Variants in PTPRD observed in about 807,000 individuals in gnomAD.
PTPRD encodes protein tyrosine phosphatase receptor type D, also known as receptor-type tyrosine-protein phosphatase delta.
A neutral mutation model predicts 214.5 loss-of-function variants in PTPRD; 34 were observed. That is an observed-to-expected ratio of 0.16 (90% CI 0.12 to 0.21). The LOEUF is 0.21. Among genes scored for constraint, PTPRD ranks in the 10% least tolerant of loss-of-function variants. PTPRD has a pLI of 1.00. For synonymous variants in PTPRD, 1,128 were observed against 845.7 expected (o/e 1.33, Z -5.79); for missense variants, 2,545 against 2,398.7 (o/e 1.06, Z -1.27).
chr9:9,438,481 C>T (rs1448755182), intron 8 of PTPRD, among the ~76,000 whole-genome samples: 4 of 152,164 alleles, frequency 2.6e-5, no homozygotes, highest in Non-Finnish European at 5.9e-5. Context: ...ATAGACTCCA[C>T]TTTACTGCTA....
intron 39 of PTPRD, among the ~76,000 whole-genome samples, chr9:8,372,304 C>T (rs995217857): frequency 1.3e-5 from 2 of 151,978 alleles, no homozygotes; most frequent in African/African-American, 4.8e-5. Flanking sequence ...AATATACACA[C>T]AGCTTTTAAA....
At chr9:9,095,264 C>T (rs2099781858) in intron 10 of PTPRD, among the ~76,000 whole-genome samples, 1 of 151,942 alleles carries the variant, frequency 6.6e-6, no homozygotes, top group Non-Finnish European at 1.5e-5. Flanking sequence ...ATAACAACAG[C>T]ACAACAACTA....
At chr9:9,297,325 G>C (rs186255899) in intron 9 of PTPRD, among the ~76,000 whole-genome samples, 1 of 151,508 alleles carries the variant, frequency 6.6e-6, no homozygotes, top group Non-Finnish European at 1.5e-5. Context: ...CAGAGATATG[G>C]TTTTGGGTCT....
At chr9:10,520,876 T>C (rs1803158167) in intron 2 of PTPRD, among the ~76,000 whole-genome samples, 1 of 151,646 alleles carries the variant, frequency 6.6e-6, no homozygotes, top group Non-Finnish European at 1.5e-5. Flanking sequence ...GAGACCACCC[T>C]GCTCAGAGAA....
At chr9:8,433,898 A>C (rs933198311) in intron 35 of PTPRD, among the ~76,000 whole-genome samples, 2 of 152,172 alleles carry the variant, frequency 1.3e-5, no homozygotes, top group African/African-American at 4.8e-5. Context: ...ACATTCACTC[A>C]CTACTCTCAC....
intron 11 of PTPRD, among the ~76,000 whole-genome samples, chr9:8,750,751 A>T (rs1301380107): frequency 6.6e-6 from 1 of 152,188 alleles, no homozygotes; most frequent in Non-Finnish European, 1.5e-5. Context: ...GATACCAGGC[A>T]GACTGGGAAA....
intron 14 of PTPRD, among the ~76,000 whole-genome samples, chr9:8,595,306 A>C (rs994669769): frequency 6.6e-6 from 1 of 152,152 alleles, no homozygotes; most frequent in Non-Finnish European, 1.5e-5. Flanking sequence ...GTTTTTTAAA[A>C]AACAAGAAGG....
intron 8 of PTPRD, among the ~76,000 whole-genome samples, chr9:9,467,170 G>A (rs922880912): frequency 7.5e-6 from 1 of 134,084 alleles, no homozygotes; most frequent in Non-Finnish European, 1.6e-5. Flanking sequence ...CCTAGATTTT[G>A]TATAGGAATA....
intron 8 of PTPRD, among the ~76,000 whole-genome samples, chr9:9,498,772 G>C (rs2096290313): frequency 6.6e-6 from 1 of 152,016 alleles, no homozygotes; most frequent in Non-Finnish European, 1.5e-5. Context: ...CTAAAATCTA[G>C]TGAATAATTG....
chr9:8,661,754 C>T (rs1482312432), intron 12 of PTPRD, among the ~76,000 whole-genome samples: 2 of 151,332 alleles, frequency 1.3e-5, no homozygotes, highest in Non-Finnish European at 2.9e-5. Context: ...TTTATTTCTC[C>T]AACCATTGAC....
At position 9,209,863 on chromosome 9, in the gene PTPRD, C is replaced by A. The variant is rs147279096; in HGVS notation, c.-202-26500G>T. Among the ~76,000 whole-genome samples, 1,119 of 152,164 alleles carry A rather than the reference C, an allele frequency of 7.4e-3. 10 individuals are homozygous for A. Among genetic ancestry groups the A allele is most frequent in the African/African-American group, 0.026 (1,087 of 41,528 alleles). On this transcript the variant is annotated intron_variant, in intron 9 of 45. Transcript: ENST00000381196. ...GATGCTGACAGAAGATATGAAACTC[C>A]TGGGTCAGATACAAAGGACTTTATT...
rs1015526337 is a variant in PTPRD at position 9,395,212 on chromosome 9, T to A, written c.-203+2237A>T. Among the ~76,000 whole-genome samples, 7 of 151,294 alleles carry A rather than the reference T, an allele frequency of 4.6e-5. No individual in the cohort carries two copies. In the East Asian group the frequency reaches 1.2e-3, roughly 25 times the overall value. The stretch of plus-strand genomic sequence containing the variant: ...CAAAAAAAAAAAAAAGTATGGGGTC[T>A]AATAGGTCCTTGCTACTCAAAGTGT... On this transcript the variant is annotated intron_variant, in intron 9 of 45. Coordinates refer to ENST00000381196, the MANE Select transcript of PTPRD (RefSeq NM_002839.4).
chr9:10,135,256 G>A (rs2098933578), intron 3 of PTPRD, among the ~76,000 whole-genome samples: 1 of 152,028 alleles, frequency 6.6e-6, no homozygotes, highest in Non-Finnish European at 1.5e-5. Context: ...AGACAAACTG[G>A]CATTCTTGAG....
At chr9:8,423,933 C>T (rs139956893) in intron 35 of PTPRD, among the ~76,000 whole-genome samples, 3 of 152,028 alleles carry the variant, frequency 2.0e-5, no homozygotes, top group Admixed American at 1.3e-4. Flanking sequence ...CCCAACTAAT[C>T]AAATATATTT....
intron 14 of PTPRD, among the ~76,000 whole-genome samples, chr9:8,608,122 T>A (rs1464604714): frequency 8.5e-6 from 1 of 117,386 alleles, no homozygotes; most frequent in Non-Finnish European, 1.6e-5. Context: ...TTTCTAAACC[T>A]TTTTTTTTTT....
At chr9:9,643,474 G>A (rs1407439250) in intron 7 of PTPRD, among the ~76,000 whole-genome samples, 1 of 152,094 alleles carries the variant, frequency 6.6e-6, no homozygotes, top group Admixed American at 6.5e-5. Flanking sequence ...ATTCTAGAAT[G>A]AGCAGAGTGA....
At chr9:8,434,200 C>G (rs202161173) in intron 35 of PTPRD, among the ~76,000 whole-genome samples, 1 of 152,036 alleles carries the variant, frequency 6.6e-6, no homozygotes, top group African/African-American at 2.4e-5. Context: ...CAGGCTGATC[C>G]CGAACTCCTG....
intron 10 of PTPRD, among the ~76,000 whole-genome samples, chr9:9,063,320 A>G (rs541622137): frequency 2.6e-5 from 4 of 152,270 alleles, no homozygotes; most frequent in African/African-American, 9.6e-5. Context: ...TAAGAAGGTA[A>G]AAAATTGTTT....
intron 30 of PTPRD, among the ~76,000 whole-genome samples, chr9:8,482,063 G>A (rs2096898747): frequency 6.6e-6 from 1 of 152,170 alleles, no homozygotes; most frequent in Non-Finnish European, 1.5e-5. Context: ...TTACAGGCAT[G>A]AGCCACCATG....
Sources: gnomAD v4.1 joint callset for allele counts (sites outside exome capture counted in the v4.1 genomes callset) on GRCh38, gnomAD v4.1.1 for gene constraint, MANE v1.5 for transcripts, NCBI Gene and HGNC (gene_info 2026-07-23, HGNC 2026-07-21) for gene names.